Variants in TRIM38 observed in about 807,000 individuals in gnomAD.
The protein encoded by TRIM38 is tripartite motif containing 38.
TRIM38 carries 35 observed loss-of-function variants against 35.8 expected under a neutral mutation model. That is an observed-to-expected ratio of 0.98 (90% CI 0.75 to 1.30). The LOEUF is 1.30. Ranked by LOEUF, TRIM38 falls within the 50% of genes most tolerant of loss-of-function variation. TRIM38 has a pLI of 0.00. For synonymous variants in TRIM38, 198 were observed against 204.7 expected, an observed-to-expected ratio of 0.97 and a Z score of 0.28; for missense variants, 545 against 556.9, an observed-to-expected ratio of 0.98 and a Z score of 0.21.
intron 7 of TRIM38, among the ~76,000 whole-genome samples, chr6:25,979,448 C>T (rs1760485874): frequency 6.6e-6 from 1 of 151,974 alleles, no homozygotes; most frequent in Non-Finnish European, 1.5e-5. Flanking sequence ...GTGAGTTTTA[C>T]TCAGAAATAT....
Position 25,983,406 on chromosome 6 carries a change from G to A in TRIM38, c.1117G>A (p.Gly373Ser), listed in dbSNP as rs1760619908. 18 of 1,614,158 alleles carry A rather than the reference G, an allele frequency of 1.1e-5. No individual in the cohort carries two copies. Among genetic ancestry groups the A allele is most frequent in the Non-Finnish European group, 1.4e-5 (17 of 1,180,030 alleles). Residue 373 changes from glycine to serine, a missense_variant, in exon 8 of 8, where the codon GGC (glycine) becomes AGC (serine). Gly to Ser is a moderately conservative substitution (Grantham distance 56). Transcript: ENST00000357085. Reference sequence around the variant, plus strand: ...TATGGAAAATGTGCAGAGGGGCACTGGCATGAAGCAAGAGCCTCAGTCTGG... The same window carrying A: ...TATGGAAAATGTGCAGAGGGGCACTAGCATGAAGCAAGAGCCTCAGTCTGG... ...VCMENVQRGT[G>S]MKQEPQSGFW...
rs1760783961 is a variant in TRIM38 at position 25,988,816 on chromosome 6, C to T, written c.*5129C>T. On this transcript the variant is annotated 3_prime_UTR_variant, in exon 8 of 8. Coordinates refer to ENST00000357085, the MANE Select transcript of TRIM38 (RefSeq NM_006355.5). Reference sequence around the variant, plus strand: ...AGTTATCCACTTACCTACTGAAAGACATCTTGTTTCCAAGTTTTGGATAAA... The same window carrying T: ...AGTTATCCACTTACCTACTGAAAGATATCTTGTTTCCAAGTTTTGGATAAA... The T allele has an allele frequency of 6.6e-6, 1 of 152,182 alleles. No homozygotes were observed. The highest frequency in any genetic ancestry group is 6.5e-5 in the Admixed American group (1 of 15,272). 9.4% of individuals were successfully genotyped at this position (152,182 alleles called of 1,614,324 possible). A position where few individuals can be genotyped will look rare whatever the true frequency, so the allele number is the denominator to read the frequency against.
rs773408033 is a variant in TRIM38 at position 25,983,478 on chromosome 6, A to G, written c.1189A>G (p.Thr397Ala). The G allele has an allele frequency of 6.2e-7, 1 of 1,614,128 alleles. No individual in the cohort carries two copies. ...CAAAAAGAAAGGCTATGTAGCACTT[A>G]CTTCTCCCCCAACTTCCCTTCATCT... ...LCKKKGYVAL[T>A]SPPTSLHLHE... is the part of the protein sequence containing the mutation. The change falls in exon 8 of 8, where the codon ACT (threonine) becomes GCT (alanine). Residue 397 changes from threonine (T) to alanine (A), a missense_variant. By Grantham distance (58) the Thr-to-Ala change is moderately conservative. Coordinates refer to ENST00000357085, the MANE Select transcript of TRIM38 (RefSeq NM_006355.5).
At chr6:25,972,904 CTTTG>C (rs1346365355) in intron 5 of TRIM38, 146 bp from the exon 6 acceptor site, 7 of 959,536 alleles carry the variant, frequency 7.3e-6, no homozygotes, top group African/African-American at 1.7e-5. Flanking sequence ...GTGGGAATTA[CTTTG>C]TTTGAGTATC....
At chr6:25,976,930 C>T (rs1005026742) in intron 7 of TRIM38, among the ~76,000 whole-genome samples, 11 of 152,268 alleles carry the variant, frequency 7.2e-5, no homozygotes, top group African/African-American at 1.9e-4. Flanking sequence ...TTGTGCTTTT[C>T]TGATTTCACT....
At position 25,983,835 on chromosome 6, in the gene TRIM38, T is replaced by C; in HGVS notation, c.*148T>C. 8 of 728,552 alleles carry C rather than the reference T, an allele frequency of 1.1e-5. No homozygotes were observed. The highest frequency in any genetic ancestry group is 4.0e-4 in the Middle Eastern group (1 of 2,510). 45.1% of individuals were successfully genotyped at this position (728,552 alleles called of 1,614,324 possible). Reference sequence around the variant, plus strand: ...TTTTAGTGGATATATAATTGATTTATGTTGAATATATGGACTTAGCAACTA... The same window carrying C: ...TTTTAGTGGATATATAATTGATTTACGTTGAATATATGGACTTAGCAACTA... On this transcript the variant is annotated 3_prime_UTR_variant, in exon 8 of 8. Transcript: ENST00000357085.
intron 3 of TRIM38, among the ~76,000 whole-genome samples, chr6:25,967,297 G>A (rs994184253): frequency 2.0e-5 from 3 of 152,086 alleles, no homozygotes; most frequent in Non-Finnish European, 4.4e-5. Context: ...AGGGAAGAAA[G>A]ACCCATCACC....
chr6:25,964,747 T>C (rs981837542), intron 2 of TRIM38, among the ~76,000 whole-genome samples: 2 of 152,152 alleles, frequency 1.3e-5, no homozygotes, highest in Non-Finnish European at 2.9e-5. Flanking sequence ...CAATGGAATC[T>C]GTCACAGATC....
At chr6:25,975,779 A>G (rs1264410896) in intron 7 of TRIM38, 2 of 791,516 alleles carry the variant, frequency 2.5e-6, no homozygotes, top group Non-Finnish European at 3.1e-6. Flanking sequence ...TTCCATAAGA[A>G]TATAATAAAT....
At chr6:25,980,197 T>C (rs1484360477) in intron 7 of TRIM38, among the ~76,000 whole-genome samples, 1 of 152,218 alleles carries the variant, frequency 6.6e-6, no homozygotes, top group Admixed American at 6.5e-5. Context: ...TGTTCAGACC[T>C]TCCGTATCTT....
chr6:25,975,591 A>T, intron 7 of TRIM38: 6 of 980,506 alleles, frequency 6.1e-6, no homozygotes, highest in Non-Finnish European at 7.3e-6. Context: ...GATGCAACAA[A>T]TACATTTTAA....
At chr6:25,982,971 C>T (rs948928325) in intron 7 of TRIM38, among the ~76,000 whole-genome samples, 193 bp from the exon 8 acceptor site, 2 of 152,094 alleles carry the variant, frequency 1.3e-5, no homozygotes, top group African/African-American at 2.4e-5. Context: ...CACCTGTAGT[C>T]GCAGTTACTC....
At chr6:25,965,223 G>A (rs1759986213) in intron 2 of TRIM38, among the ~76,000 whole-genome samples, 2 of 152,134 alleles carry the variant, frequency 1.3e-5, no homozygotes, top group South Asian at 4.1e-4. Flanking sequence ...CCAGCACTTG[G>A]TCCAAGGTAA....
At chr6:25,965,751 C>G (rs539625098) in intron 2 of TRIM38, among the ~76,000 whole-genome samples, 2 of 151,570 alleles carry the variant, frequency 1.3e-5, no homozygotes, top group African/African-American at 4.8e-5. Flanking sequence ...AACCCCATCT[C>G]TACTAAAAAT....
rs1760643704 is a variant in TRIM38 at position 25,983,972 on chromosome 6, C to T, written c.*285C>T. On this transcript the variant is annotated 3_prime_UTR_variant, in exon 8 of 8. Coordinates refer to ENST00000357085, the MANE Select transcript of TRIM38 (RefSeq NM_006355.5). Reference sequence around the variant, plus strand: ...GGTCAGGGCTTTGATTTCCAAGGGTCTTCAGGTGATGAGTAGGGGTACCCA... The same window carrying T: ...GGTCAGGGCTTTGATTTCCAAGGGTTTTCAGGTGATGAGTAGGGGTACCCA... 3.5e-6 allele frequency: 1 copy of T among 286,830 alleles called. No homozygotes were observed. Among genetic ancestry groups the T allele is most frequent in the Admixed American group, 4.7e-5 (1 of 21,336 alleles). 17.8% of individuals were successfully genotyped at this position (286,830 alleles called of 1,614,324 possible). A position where few individuals can be genotyped will look rare whatever the true frequency, so the allele number is the denominator to read the frequency against.
intron 5 of TRIM38, among the ~76,000 whole-genome samples, chr6:25,972,553 T>C (rs1760269936): frequency 6.6e-6 from 1 of 152,340 alleles, no homozygotes; most frequent in East Asian, 1.9e-4. Context: ...ACTAACAGGA[T>C]TGGTGACTAT....
chr6:25,971,363 A>C (rs1411249217), intron 4 of TRIM38, among the ~76,000 whole-genome samples: 1 of 152,188 alleles, frequency 6.6e-6, no homozygotes, highest in African/African-American at 2.4e-5. Context: ...GAAACTGGGG[A>C]CATTCTTCCA....
rs572177268 is a variant in TRIM38, at chr6:25,981,798, T to C, written c.875-1366T>C. On this transcript the variant is annotated intron_variant, in intron 7 of 7. Coordinates refer to ENST00000357085, the MANE Select transcript of TRIM38 (RefSeq NM_006355.5). ...ATTCTCAATGTTGGTGGTTATTCAG[T>C]AGAGAAGGGAAAAGGTATCTTTCTG... Among the ~76,000 whole-genome samples, 11 of 152,336 alleles carry C rather than the reference T, an allele frequency of 7.2e-5. No individual in the cohort carries two copies. The South Asian group carries it at 2.3e-3, about 32-fold the overall frequency.
At chr6:25,982,377 A>G (rs758770690) in intron 7 of TRIM38, among the ~76,000 whole-genome samples, 1 of 152,058 alleles carries the variant, frequency 6.6e-6, no homozygotes, top group Non-Finnish European at 1.5e-5. Flanking sequence ...GTTTACCCTC[A>G]CGTCCTCACC....
Sources: gnomAD v4.1 joint callset for allele counts (sites outside exome capture counted in the v4.1 genomes callset) on GRCh38, gnomAD v4.1.1 for gene constraint, MANE v1.5 for transcripts, NCBI Gene and HGNC (gene_info 2026-07-23, HGNC 2026-07-21) for gene names.